Variants in ASAP1 observed in about 807,000 individuals in gnomAD.
The protein encoded by ASAP1 is arf-GAP with SH3 domain, ANK repeat and PH domain-containing protein 1.
A neutral mutation model predicts 145.2 loss-of-function variants in ASAP1; 43 were observed. The ratio of observed to expected loss-of-function variants is 0.30; its 90% CI spans 0.23 to 0.38. The LOEUF is 0.38. Ranked by LOEUF, ASAP1 falls within the 10% of genes least tolerant of loss-of-function variation. ASAP1 has a pLI of 1.00. For synonymous variants in ASAP1, 546 were observed against 515.5 expected (o/e 1.06, Z -0.80); for missense variants, 1,018 against 1,355.3 (o/e 0.75, Z 3.91).
intron 2 of ASAP1, among the ~76,000 whole-genome samples, chr8:130,378,146 T>C (rs1256383734): frequency 6.6e-6 from 1 of 152,236 alleles, no homozygotes; most frequent in Non-Finnish European, 1.5e-5. Context: ...AATCCTCAGT[T>C]TGCACTTTTG....
At chr8:130,370,928 G>C (rs924786185) in intron 2 of ASAP1, among the ~76,000 whole-genome samples, 1 of 152,154 alleles carries the variant, frequency 6.6e-6, no homozygotes, top group East Asian at 1.9e-4. Context: ...GTGGGTACAG[G>C]GTTTCTTGTG....
chr8:130,359,768 C>T (rs1458860497), intron 2 of ASAP1, among the ~76,000 whole-genome samples: 1 of 152,038 alleles, frequency 6.6e-6, no homozygotes, highest in African/African-American at 2.4e-5. Context: ...GGACTACAGG[C>T]GCCCGCCACC....
intron 3 of ASAP1, among the ~76,000 whole-genome samples, chr8:130,334,866 CACTA>C (rs530673940): frequency 2.0e-4 from 30 of 152,330 alleles, no homozygotes; most frequent in Admixed American, 2.0e-3. Context: ...ATCATCATCC[CACTA>C]ACAAAGTACC....
intron 2 of ASAP1, among the ~76,000 whole-genome samples, chr8:130,385,450 T>C (rs368069304): frequency 1.3e-5 from 2 of 152,332 alleles, no homozygotes; most frequent in African/African-American, 4.8e-5. Flanking sequence ...AAGCCTCCTC[T>C]CCATGGGGAG....
At chr8:130,247,245 C>T (rs1217160783) in intron 3 of ASAP1, among the ~76,000 whole-genome samples, 2 of 152,130 alleles carry the variant, frequency 1.3e-5, no homozygotes, top group Non-Finnish European at 1.5e-5. Context: ...TCATTCTTGT[C>T]TCTTTTCTCC....
chr8:130,319,907 T>C (rs956889020), intron 3 of ASAP1, among the ~76,000 whole-genome samples: 13 of 152,230 alleles, frequency 8.5e-5, no homozygotes, highest in Non-Finnish European at 1.6e-4. Context: ...GACATTATTT[T>C]GTACACTAAC....
chr8:130,384,623 G>A (rs1827927255), intron 2 of ASAP1, among the ~76,000 whole-genome samples: 1 of 152,184 alleles, frequency 6.6e-6, no homozygotes, highest in African/African-American at 2.4e-5. Flanking sequence ...GGATTACACA[G>A]GCGCCCGCCA....
chr8:130,104,075 T>C (rs992419209), intron 24 of ASAP1, among the ~76,000 whole-genome samples: 15 of 152,298 alleles, frequency 9.8e-5, no homozygotes, highest in Admixed American at 4.6e-4. Flanking sequence ...TGTGCATCCA[T>C]AGGGCATGAT....
At chr8:130,107,213 C>T (rs891015258) in intron 24 of ASAP1, among the ~76,000 whole-genome samples, 1 of 130,392 alleles carries the variant, frequency 7.7e-6, no homozygotes, top group African/African-American at 2.9e-5. Flanking sequence ...GACGGAGTCT[C>T]ACCCTGTGGC....
chr8:130,371,752 C>T (rs1827223821), intron 2 of ASAP1, among the ~76,000 whole-genome samples: 1 of 152,190 alleles, frequency 6.6e-6, no homozygotes. Context: ...AAGGCTTGGG[C>T]TCCTGATAAC....
At position 130,237,610 on chromosome 8, in the gene ASAP1, T is replaced by C. The variant is rs1818290663; in HGVS notation, c.187-616A>G. Among the ~76,000 whole-genome samples, 2 of 152,108 alleles carry C rather than the reference T, an allele frequency of 1.3e-5. 1 individual carries two copies. Among genetic ancestry groups the C allele is most frequent in the South Asian group, 4.1e-4 (2 of 4,832 alleles). On this transcript the variant is annotated intron_variant, in intron 3 of 29. Coordinates refer to ENST00000518721, the MANE Select transcript of ASAP1 (RefSeq NM_018482.4). ...GATGCTGGTAATGCTTTTAAATGAT[T>C]TCTTGGATGATGAATCAACACATTA...
chr8:130,072,234 T>C (rs958911759), intron 27 of ASAP1, among the ~76,000 whole-genome samples: 4 of 152,182 alleles, frequency 2.6e-5, no homozygotes, highest in South Asian at 2.1e-4. Context: ...GCACCTGATA[T>C]AGCTTGGCTG....
chr8:130,079,865 G>A, intron 26 of ASAP1, 37 bp downstream of exon 26: 2 of 1,590,372 alleles, frequency 1.3e-6, no homozygotes, highest in Non-Finnish European at 1.7e-6. Flanking sequence ...TGCATCAATG[G>A]ATCCAACAGG....
At chr8:130,231,306 C>T (rs770548587) in intron 4 of ASAP1, among the ~76,000 whole-genome samples, 12 of 152,264 alleles carry the variant, frequency 7.9e-5, no homozygotes, top group South Asian at 6.2e-4. Flanking sequence ...GAAAAAGCTG[C>T]AAAACTGTTT....
rs190904212 is a variant in ASAP1 at position 130,060,481 on chromosome 8, C to T, written c.3192+98G>A. 3.5e-5 allele frequency: 51 copies of T among 1,461,474 alleles called. No homozygotes were observed. The African/African-American group carries it at 5.0e-4, about 14-fold the overall frequency. 90.5% of individuals were successfully genotyped at this position (1,461,474 alleles called of 1,614,324 possible). On this transcript the variant is annotated intron_variant, in intron 28 of 29. Coordinates refer to ENST00000518721, the MANE Select transcript of ASAP1 (RefSeq NM_018482.4). ...AGCACATAAGGGTCAGGTGAGCAAGCTCTCACTTTTTCTTGTGTAAGTTGG... is the reference window on the plus strand; with the variant it reads ...AGCACATAAGGGTCAGGTGAGCAAGTTCTCACTTTTTCTTGTGTAAGTTGG...
chr8:130,401,791 G>A, intron 2 of ASAP1, 94 bp downstream of exon 2: 1 of 1,182,336 alleles, frequency 8.5e-7, no homozygotes, highest in Non-Finnish European at 1.2e-6. Context: ...CAGTGCTTGT[G>A]TTTGATAAAA....
chr8:130,151,048 G>GA (rs1047081852), intron 13 of ASAP1, among the ~76,000 whole-genome samples: 2 of 151,978 alleles, frequency 1.3e-5, no homozygotes, highest in African/African-American at 4.8e-5. Flanking sequence ...GCCTACACCA[G>GA]AACATGGCAG....
intron 1 of ASAP1, among the ~76,000 whole-genome samples, chr8:130,436,895 T>A (rs1389564944): frequency 6.6e-6 from 1 of 151,950 alleles, no homozygotes; most frequent in East Asian, 1.9e-4. Flanking sequence ...TTACCTAAGG[T>A]CAGGAGTTCA....
intron 3 of ASAP1, among the ~76,000 whole-genome samples, chr8:130,347,561 A>G (rs1283756998): frequency 6.6e-6 from 1 of 152,194 alleles, no homozygotes; most frequent in African/African-American, 2.4e-5. Context: ...CTGGGTATAA[A>G]CGGTGTGCTT....
Sources: allele counts gnomAD v4.1 joint callset (sites outside exome capture counted in the v4.1 genomes callset), GRCh38; gene constraint gnomAD v4.1.1; transcripts MANE v1.5; gene names NCBI Gene and HGNC (gene_info 2026-07-23, HGNC 2026-07-21).